ABCC1: variants seen among roughly 807,000 people sequenced by gnomAD.
ABCC1 encodes multidrug resistance-associated protein 1.
A neutral mutation model predicts 172.9 loss-of-function variants in ABCC1; 83 were observed. The observed-to-expected ratio is 0.48, with a 90% CI of 0.40 to 0.58. The LOEUF (loss-of-function observed/expected upper bound fraction) is 0.58. ABCC1 is among the 20% of genes least tolerant of loss of function. The pLI is 0.00. For missense variants in ABCC1, 1,817 were observed against 2,002.7 expected (o/e 0.91, Z 1.77); for synonymous variants, 937 against 825.2 (o/e 1.14, Z -2.32).
At chr16:16,139,168 A>G (rs1377301471) in intron 30 of ABCC1, among the ~76,000 whole-genome samples, 1 of 152,232 alleles carries the variant, frequency 6.6e-6, no homozygotes, top group Non-Finnish European at 1.5e-5. Context: ...ATACAGAGCA[A>G]TAAACCAACA....
intron 22 of ABCC1, among the ~76,000 whole-genome samples, chr16:16,111,818 T>C (rs190503381): frequency 2.0e-5 from 3 of 152,146 alleles, no homozygotes; most frequent in Non-Finnish European, 4.4e-5. Context: ...TGTGCCCATT[T>C]TACAGATGAG....
chr16:15,982,955 A>G (rs2046660437), intron 1 of ABCC1, among the ~76,000 whole-genome samples: 1 of 152,134 alleles, frequency 6.6e-6, no homozygotes, highest in African/African-American at 2.4e-5. Flanking sequence ...CGATAACTGT[A>G]CATGGTGTAT....
intron 20 of ABCC1, among the ~76,000 whole-genome samples, chr16:16,103,536 C>T (rs1024552197): frequency 7.2e-5 from 11 of 152,074 alleles, no homozygotes; most frequent in African/African-American, 1.7e-4. Flanking sequence ...GCCGAGATTG[C>T]GCCATGGCAC....
At chr16:15,985,414 A>C (rs937649861) in intron 1 of ABCC1, among the ~76,000 whole-genome samples, 1 of 151,718 alleles carries the variant, frequency 6.6e-6, no homozygotes, top group East Asian at 1.9e-4. Context: ...CACCAGCTCT[A>C]TTTTTGTTGC....
chr16:16,020,118 C>T (rs2048143697), intron 5 of ABCC1, among the ~76,000 whole-genome samples: 1 of 152,162 alleles, frequency 6.6e-6, no homozygotes, highest in Admixed American at 6.5e-5. Flanking sequence ...GATGGGGTTT[C>T]ACCGTGTTGG....
At chr16:16,087,015 T>A in intron 18 of ABCC1, 24 bp downstream of exon 18, 1 of 1,613,542 alleles carries the variant, frequency 6.2e-7, no homozygotes, top group Non-Finnish European at 8.5e-7. Flanking sequence ...GGGTGGGGCT[T>A]GGTGTTGGGC....
chr16:16,083,592 T>A (rs950837244), intron 17 of ABCC1, 50 bp downstream of exon 17: 5 of 1,582,960 alleles, frequency 3.2e-6, no homozygotes, highest in Non-Finnish European at 4.3e-6. Context: ...TGTTGCCGCG[T>A]AACAAATGCT....
intron 26 of ABCC1, among the ~76,000 whole-genome samples, chr16:16,127,144 G>T (rs1238381360): frequency 6.6e-6 from 1 of 152,164 alleles, no homozygotes; most frequent in Non-Finnish European, 1.5e-5. Flanking sequence ...TGATAACAGG[G>T]ACACACATAG....
At chr16:16,133,024 C>T (rs1197156785) in intron 27 of ABCC1, among the ~76,000 whole-genome samples, 2 of 152,094 alleles carry the variant, frequency 1.3e-5, no homozygotes, top group Non-Finnish European at 2.9e-5. Flanking sequence ...TTGGCCCCTC[C>T]AAAACATTAG....
At chr16:16,105,844 C>T (rs1363816883) in intron 20 of ABCC1, among the ~76,000 whole-genome samples, 1 of 148,060 alleles carries the variant, frequency 6.8e-6, no homozygotes, top group African/African-American at 2.5e-5. Context: ...TGGGGGTCTG[C>T]ATAAAGCTCA....
chr16:16,036,036 A>C (rs899373798), intron 6 of ABCC1, among the ~76,000 whole-genome samples: 4 of 152,058 alleles, frequency 2.6e-5, no homozygotes, highest in Non-Finnish European at 5.9e-5. Flanking sequence ...AGATGGGAGA[A>C]CCACTCTAGA....
chr16:16,083,471 A>T lies in ABCC1; in HGVS notation c.2221A>T (p.Ile741Leu). The T allele has an allele frequency of 6.2e-7, 1 of 1,613,960 alleles. No individual in the cohort carries two copies. The highest frequency in any genetic ancestry group is 1.3e-5 in the African/African-American group (1 of 75,042). ...QLEEPYYRSV[I>L]QACALLPDLE... ...GGAGGAACCATATTACAGGTCCGTG[A>T]TACAGGCCTGTGCCCTCCTCCCAGA... Residue 741 changes from isoleucine to leucine, a missense_variant, in exon 17 of 31, where the codon ATA becomes TTA. Ile to Leu is a conservative substitution (Grantham distance 5). Around this residue, in one of 3 missense-constraint regions of ABCC1, gnomAD observed 1,412 missense variants for 1,600.3 expected, o/e 0.88. Transcript: ENST00000399410.
chr16:16,008,016 G>T (rs771537723), intron 2 of ABCC1, 24 bp downstream of exon 2: 3 of 531,576 alleles, frequency 5.6e-6, no homozygotes, highest in Admixed American at 5.3e-5. Flanking sequence ...GGGTTTCGTT[G>T]TGGGGGGTGG....
intron 9 of ABCC1, 110 bp downstream of exon 9, chr16:16,046,123 T>C (rs2049198690): frequency 1.6e-6 from 2 of 1,262,374 alleles, no homozygotes; most frequent in East Asian, 2.5e-5. Flanking sequence ...TCTGGAGCAG[T>C]AGGATGAGGG....
chr16:16,016,889 G>A (rs1298876100), intron 5 of ABCC1, among the ~76,000 whole-genome samples: 1 of 152,168 alleles, frequency 6.6e-6, no homozygotes, highest in Non-Finnish European at 1.5e-5. Context: ...GGTGATTTTG[G>A]AAAATGTGAG....
intron 1 of ABCC1, among the ~76,000 whole-genome samples, chr16:15,975,993 C>T (rs926182050): frequency 3.9e-5 from 6 of 151,944 alleles, no homozygotes; most frequent in Non-Finnish European, 8.8e-5. Flanking sequence ...AGGCCAGACG[C>T]GGTGGCTTAC....
Position 16,122,064 on chromosome 16 carries a change from G to T in ABCC1, c.3480G>T (p.Leu1160=), listed in dbSNP as rs759641637. Residue 1160 remains leucine (L), a synonymous_variant, in exon 24 of 31, where the codon CTG becomes CTT. Coordinates refer to ENST00000399410, the MANE Select transcript of ABCC1 (RefSeq NM_004996.4). The part of the protein sequence containing the change: ...PVYSHFNETL[L]GVSVIRAFEE... ...ATTCCCATTTCAACGAGACCTTGCT[G>T]GGGGTCAGCGTCATTCGAGCCTTCG... 1 of 1,614,202 alleles carries T rather than the reference G, an allele frequency of 6.2e-7. No individual in the cohort carries two copies. Among genetic ancestry groups the T allele is most frequent in the East Asian group, 2.2e-5 (1 of 44,884 alleles).
chr16:16,039,215 GTGTGTGTGTGTGTGTGTGTATGTA>G (rs1158983484), intron 7 of ABCC1, among the ~76,000 whole-genome samples: 25 of 136,722 alleles, frequency 1.8e-4, no homozygotes, highest in South Asian at 6.8e-4. Flanking sequence ...GCTTTTGTGT[GTGTGTGTGTGTGTGTGTGTATGTA>G]TGTGTGTGTG....
chr16:15,996,130 G>T (rs983838316), intron 1 of ABCC1, among the ~76,000 whole-genome samples: 2 of 151,680 alleles, frequency 1.3e-5, no homozygotes, highest in Non-Finnish European at 2.9e-5. Context: ...GACTACAGGC[G>T]CACGCCACCA....
Sources: allele counts gnomAD v4.1 joint callset (sites outside exome capture counted in the v4.1 genomes callset), GRCh38; gene constraint gnomAD v4.1.1; regional missense constraint gnomAD v4.1.1; transcripts MANE v1.5; gene names NCBI Gene and HGNC (gene_info 2026-07-23, HGNC 2026-07-21).